PEX13: variants seen among roughly 807,000 people sequenced by gnomAD.
PEX13 encodes peroxisomal biogenesis factor 13.
A neutral mutation model predicts 34.5 loss-of-function variants in PEX13; 28 were observed. The observed-to-expected ratio is 0.81, with a 90% CI of 0.60 to 1.11. The LOEUF is 1.11. Among genes scored for constraint, PEX13 ranks in the 50% most tolerant of loss-of-function variants. The probability of loss-of-function intolerance (pLI) is 0.00; values close to 1 mark genes in which losing one functional copy is unlikely to be tolerated. For synonymous variants in PEX13, 177 were observed against 175.1 expected, an observed-to-expected ratio of 1.01 and a Z score of -0.09; for missense variants, 550 against 491.0, an observed-to-expected ratio of 1.12 and a Z score of -1.13.
rs112508026 is a variant in PEX13 at position 61,032,217 on chromosome 2, C to T, written c.787+104C>T. The T allele has an allele frequency of 1.4e-3, 1,194 of 862,440 alleles. 6 individuals carry two copies. In the African/African-American group the frequency reaches 0.018, roughly 13 times the overall value. 53.4% of individuals were successfully genotyped at this position (862,440 alleles called of 1,614,324 possible). On this transcript the variant is annotated intron_variant, in intron 2 of 3. Coordinates refer to ENST00000295030, the MANE Select transcript of PEX13 (RefSeq NM_002618.4). ...TATATTGATTTGTATTTACTGTTTC[C>T]AGTTATATTTTCAGTTAAGAGCTTC... is the stretch of plus-strand genomic sequence containing the variant.
intron 2 of PEX13, among the ~76,000 whole-genome samples, chr2:61,038,052 CAAG>C (rs1207161438): frequency 4.6e-5 from 7 of 152,034 alleles, no homozygotes; most frequent in Non-Finnish European, 8.8e-5. Context: ...AAGACTAAAC[CAAG>C]AAGAAGTTGA....
chr2:61,051,336 T>G lies in PEX13; in HGVS notation c.*2566T>G, dbSNP rs1186231235. The G allele has an allele frequency of 6.6e-6, 1 of 152,366 alleles. No individual in the cohort carries two copies. The highest frequency in any genetic ancestry group is 1.5e-5 in the Non-Finnish European group (1 of 68,032). The allele number at this position is 152,366 out of a possible 1,614,324, so 9.4% of individuals were successfully genotyped here. Reference sequence around the variant, plus strand: ...AAATTTGGGGTTGAGATGTCTAAATTGAATGCTAGAAGTAAAGTAGAAGTG... The same window carrying G: ...AAATTTGGGGTTGAGATGTCTAAATGGAATGCTAGAAGTAAAGTAGAAGTG... On this transcript the variant is annotated 3_prime_UTR_variant, in exon 4 of 4. Transcript: ENST00000295030.
At chr2:61,026,671 A>G (rs565720643) in intron 1 of PEX13, among the ~76,000 whole-genome samples, 4 of 152,168 alleles carry the variant, frequency 2.6e-5, no homozygotes, top group African/African-American at 9.6e-5. Context: ...TAAGATTTCT[A>G]ATGGAATTTT....
intron 2 of PEX13, among the ~76,000 whole-genome samples, chr2:61,035,597 A>G (rs190107715): frequency 6.6e-6 from 1 of 152,338 alleles, no homozygotes; most frequent in East Asian, 1.9e-4. Flanking sequence ...TGAATGGCTA[A>G]CTAGAATAAA....
intron 2 of PEX13, among the ~76,000 whole-genome samples, chr2:61,034,642 A>C (rs1413620180): frequency 6.6e-6 from 1 of 152,252 alleles, no homozygotes; most frequent in Non-Finnish European, 1.5e-5. Flanking sequence ...CAACTGGCAG[A>C]CCAGGAGATT....
At chr2:61,032,438 G>A (rs1353368089) in intron 2 of PEX13, among the ~76,000 whole-genome samples, 1 of 152,180 alleles carries the variant, frequency 6.6e-6, no homozygotes, top group African/African-American at 2.4e-5. Flanking sequence ...AGGTAATGAG[G>A]CAGAAAGTGT....
chr2:61,037,410 A>C (rs1035445939), intron 2 of PEX13, among the ~76,000 whole-genome samples: 10 of 152,204 alleles, frequency 6.6e-5, no homozygotes, highest in African/African-American at 2.2e-4. Context: ...CAGAAATCAC[A>C]ACAAACTGTC....
intron 3 of PEX13, among the ~76,000 whole-genome samples, chr2:61,047,469 T>C (rs1169411420): frequency 6.6e-6 from 1 of 152,210 alleles, no homozygotes; most frequent in East Asian, 1.9e-4. Context: ...ATATTTTTCT[T>C]ATAGGGAAAA....
intron 1 of PEX13, among the ~76,000 whole-genome samples, chr2:61,023,603 C>T (rs1366875056): frequency 6.6e-6 from 1 of 152,070 alleles, no homozygotes; most frequent in Admixed American, 6.6e-5. Context: ...GGACTAGTGT[C>T]TGCTATAAGT....
Position 61,031,485 on chromosome 2 carries a change from A to G in PEX13, c.159A>G (p.Pro53=), listed in dbSNP as rs769886997. The G allele has an allele frequency of 6.2e-7, 1 of 1,614,016 alleles. No homozygotes were observed. Among genetic ancestry groups the G allele is most frequent in the Non-Finnish European group, 8.5e-7 (1 of 1,180,018 alleles). The part of the protein sequence containing the change: ...PGQPALTRVP[P]PILPRPSQQT... Reference sequence around the variant, plus strand: ...AACCAGCACTTACCAGAGTGCCCCCACCTATTCTTCCAAGGCCATCACAGC... The same window carrying G: ...AACCAGCACTTACCAGAGTGCCCCCGCCTATTCTTCCAAGGCCATCACAGC... Residue 53 remains proline, a synonymous_variant, in exon 2 of 4, where the codon CCA becomes CCG. Coordinates refer to ENST00000295030, the MANE Select transcript of PEX13 (RefSeq NM_002618.4).
rs753842440 is a variant in PEX13 at position 61,048,511 on chromosome 2, T to A, written c.953T>A (p.Leu318His). The A allele has an allele frequency of 6.2e-7, 1 of 1,614,098 alleles. No homozygotes were observed. Among genetic ancestry groups the A allele is most frequent in the South Asian group, 1.1e-5 (1 of 91,082 alleles). ...PKVRGWLLAS[L>H]DGQTTGLIPA... is the part of the protein sequence containing the mutation. Reference sequence around the variant, plus strand: ...GTGCGTGGTTGGCTTCTGGCTAGCCTTGATGGCCAAACAACAGGACTTATA... The same window carrying A: ...GTGCGTGGTTGGCTTCTGGCTAGCCATGATGGCCAAACAACAGGACTTATA... The change falls in exon 4 of 4, where the codon CTT becomes CAT. Residue 318 changes from leucine (L) to histidine (H), a missense_variant. By Grantham distance (99) the Leu-to-His change is moderately conservative (BLOSUM62 -3). Transcript: ENST00000295030.
chr2:61,048,325 A>T, intron 3 of PEX13, 147 bp from the exon 4 acceptor site: 1 of 689,126 alleles, frequency 1.5e-6, no homozygotes, highest in East Asian at 2.7e-5. Context: ...CCTACTCAGC[A>T]TTTGATTTTG....
intron 2 of PEX13, among the ~76,000 whole-genome samples, chr2:61,044,911 T>G (rs965960973): frequency 6.6e-6 from 1 of 152,234 alleles, no homozygotes; most frequent in Non-Finnish European, 1.5e-5. Context: ...ATTAATACAA[T>G]GCCAGAGCAT....
intron 1 of PEX13, chr2:61,018,245 G>A (rs754040578): frequency 6.4e-7 from 1 of 1,551,134 alleles, no homozygotes; most frequent in South Asian, 1.2e-5. Flanking sequence ...TCGACAGGGA[G>A]CAAAGTCTCT....
chr2:61,021,471 G>A (rs1237851252), intron 1 of PEX13, among the ~76,000 whole-genome samples: 5 of 152,104 alleles, frequency 3.3e-5, no homozygotes, highest in Non-Finnish European at 5.9e-5. Flanking sequence ...AGGGGGAGGG[G>A]AATCCACCAT....
intron 2 of PEX13, among the ~76,000 whole-genome samples, chr2:61,043,758 C>T (rs748434816): frequency 6.6e-6 from 1 of 152,160 alleles, no homozygotes; most frequent in Non-Finnish European, 1.5e-5. Context: ...GAATTTTTGT[C>T]AGATACAGAA....
chr2:61,026,626 A>G (rs547414739), intron 1 of PEX13, among the ~76,000 whole-genome samples: 24 of 150,488 alleles, frequency 1.6e-4, no homozygotes, highest in African/African-American at 5.9e-4. Flanking sequence ...GATTGCAGAC[A>G]TGAGCCACCA....
chr2:61,035,524 G>A (rs375041357), intron 2 of PEX13, among the ~76,000 whole-genome samples: 3 of 152,076 alleles, frequency 2.0e-5, no homozygotes, highest in Admixed American at 1.3e-4. Flanking sequence ...CAAACGTCTC[G>A]GAACTAAAGG....
At chr2:61,040,859 G>A (rs982027623) in intron 2 of PEX13, among the ~76,000 whole-genome samples, 2 of 147,410 alleles carry the variant, frequency 1.4e-5, no homozygotes, top group Non-Finnish European at 3.0e-5. Flanking sequence ...ATATATATGT[G>A]TATATATATA....
Sources: gnomAD v4.1 joint callset for allele counts (sites outside exome capture counted in the v4.1 genomes callset) on GRCh38, gnomAD v4.1.1 for gene constraint, MANE v1.5 for transcripts, NCBI Gene and HGNC (gene_info 2026-07-23, HGNC 2026-07-21) for gene names.